ANGPT1: variants seen among roughly 807,000 people sequenced by gnomAD.
ANGPT1 encodes the protein angiopoietin-1.
Under a neutral mutation model 62.2 loss-of-function variants are expected in ANGPT1, and 17 were observed. The observed-to-expected ratio is 0.27, with a 90% CI of 0.19 to 0.41. The LOEUF (loss-of-function observed/expected upper bound fraction) is 0.41, where lower values mean the gene tolerates loss of function less well. Among genes scored for constraint, ANGPT1 ranks in the 10% least tolerant of loss-of-function variants. The pLI is 1.00. For synonymous variants in ANGPT1, 199 were observed against 198.9 expected (o/e 1.00, Z 0.00); for missense variants, 478 against 594.9 (o/e 0.80, Z 2.04).
Position 107,497,486 on chromosome 8 carries a change from T to C in ANGPT1, c.73A>G (p.Ser25Gly). 1 of 1,614,162 alleles carries C rather than the reference T, an allele frequency of 6.2e-7. No individual in the cohort carries two copies. Among genetic ancestry groups the C allele is most frequent in the Non-Finnish European group, 8.5e-7 (1 of 1,180,032 alleles). The change falls in exon 1 of 9, where the codon AGT (serine) becomes GGT (glycine). Residue 25 changes from serine to glycine, a missense_variant. This residue lies in a region of ANGPT1 where 343 missense variants were observed against 355.4 expected (regional missense o/e 0.97). Transcript: ENST00000517746. ...THIGCSNQRRSPENSGRRYNR... is the reference protein window; with the variant it reads ...THIGCSNQRRGPENSGRRYNR... ...TATCTTCTCCCACTGTTTTCTGGAC[T>C]TCGGCGCTGATTGCTGCACCCTATG...
chr8:107,497,137 T>G, intron 1 of ANGPT1, 125 bp downstream of exon 1: 2 of 1,156,576 alleles, frequency 1.7e-6, no homozygotes, highest in Non-Finnish European at 1.2e-6. Flanking sequence ...GTCTTGCAAT[T>G]GCAAACACTG....
chr8:107,257,883 T>G lies in ANGPT1; in HGVS notation c.1337-5868A>C, dbSNP rs867989698. 3.0e-3 allele frequency among the ~76,000 whole-genome samples: 260 copies of G among 85,734 alleles called. 5 individuals carry two copies. Among genetic ancestry groups the G allele is most frequent in the African/African-American group, 0.014 (230 of 16,574 alleles). 56.2% of individuals were successfully genotyped at this position (85,734 alleles called of 152,430 possible). ...GGCCAAGGACTTGTTTTTGTTTCTTTTTTGTTTGTTTGTTTGTTTGTTTGT... is the reference window on the plus strand; with the variant it reads ...GGCCAAGGACTTGTTTTTGTTTCTTGTTTGTTTGTTTGTTTGTTTGTTTGT... On this transcript the variant is annotated intron_variant, in intron 8 of 8. Coordinates refer to ENST00000517746, the MANE Select transcript of ANGPT1 (RefSeq NM_001146.5).
At position 107,303,372 on chromosome 8, in the gene ANGPT1, A is replaced by C. The variant is rs1302740271; in HGVS notation, c.809-5T>G. 7 of 276,436 alleles carry C rather than the reference A, an allele frequency of 2.5e-5. No individual in the cohort carries two copies. The highest frequency in any genetic ancestry group is 6.1e-5 in the African/African-American group (1 of 16,364). 17.1% of individuals were successfully genotyped at this position (276,436 alleles called of 1,614,324 possible). A position where few individuals can be genotyped will look rare whatever the true frequency, so the allele number is the denominator to read the frequency against. ...TTTTTCCTCCCTTTAGTAAAACTGCAAAAAAAAAAAAAAAGATTGCAATAT... is the reference window on the plus strand; with the variant it reads ...TTTTTCCTCCCTTTAGTAAAACTGCCAAAAAAAAAAAAAAGATTGCAATAT... On this transcript the variant is annotated splice_polypyrimidine_tract_variant and splice_region_variant and intron_variant, in intron 4 of 8. Transcript: ENST00000517746.
intron 1 of ANGPT1, among the ~76,000 whole-genome samples, chr8:107,433,171 G>GT (rs1232423126): frequency 6.6e-6 from 1 of 151,990 alleles, no homozygotes; most frequent in Non-Finnish European, 1.5e-5. Context: ...TGGGCTGGTT[G>GT]TTTTTTTCAT....
intron 1 of ANGPT1, among the ~76,000 whole-genome samples, chr8:107,383,753 A>G (rs1816682034): frequency 6.6e-6 from 1 of 152,190 alleles, no homozygotes. Context: ...TTGAAAGATT[A>G]CAAACTTTCA....
chr8:107,459,151 T>C lies in ANGPT1; in HGVS notation c.297+38111A>G, dbSNP rs902496068. On this transcript the variant is annotated intron_variant, in intron 1 of 8. Transcript: ENST00000517746. ...ATATCCCATTCAGTAACTTTTGGCT[T>C]CATTTTATATTTAAGGAGTAAACTT... Among the ~76,000 whole-genome samples, 9 of 152,180 alleles carry C rather than the reference T, an allele frequency of 5.9e-5. No homozygotes were observed. In the East Asian group the frequency reaches 1.3e-3, roughly 23 times the overall value.
chr8:107,300,434 A>T (rs940070523), intron 5 of ANGPT1, among the ~76,000 whole-genome samples: 4 of 151,738 alleles, frequency 2.6e-5, no homozygotes, highest in African/African-American at 9.7e-5. Flanking sequence ...CTATGATTAT[A>T]ATAGGGAAAT....
At chr8:107,288,771 G>T (rs1471061289) in intron 6 of ANGPT1, among the ~76,000 whole-genome samples, 1 of 152,056 alleles carries the variant, frequency 6.6e-6, no homozygotes, top group Non-Finnish European at 1.5e-5. Context: ...CTATAGGGAG[G>T]CAAATTTTGA....
intron 1 of ANGPT1, among the ~76,000 whole-genome samples, chr8:107,369,962 ACT>A (rs1182403282): frequency 6.6e-6 from 1 of 151,254 alleles, no homozygotes; most frequent in Non-Finnish European, 1.5e-5. Context: ...ATATAGAGAG[ACT>A]CTGTCTCCAC....
At chr8:107,303,736 T>C (rs977750809) in intron 4 of ANGPT1, among the ~76,000 whole-genome samples, 7 of 151,792 alleles carry the variant, frequency 4.6e-5, no homozygotes, top group African/African-American at 1.7e-4. Flanking sequence ...TAAAACGTTC[T>C]TACCTACATT....
intron 1 of ANGPT1, among the ~76,000 whole-genome samples, chr8:107,443,766 C>T (rs1326838606): frequency 6.6e-6 from 1 of 150,378 alleles, no homozygotes; most frequent in Non-Finnish European, 1.5e-5. Flanking sequence ...TTGTGGTGAG[C>T]TGAGATCATG....
chr8:107,353,481 C>T (rs1815975447), intron 1 of ANGPT1, among the ~76,000 whole-genome samples: 1 of 152,172 alleles, frequency 6.6e-6, no homozygotes, highest in Admixed American at 6.6e-5. Flanking sequence ...TGATTTGGAT[C>T]TCCCCTTTCG....
intron 1 of ANGPT1, among the ~76,000 whole-genome samples, chr8:107,386,845 A>G (rs771028931): frequency 6.6e-6 from 1 of 152,120 alleles, no homozygotes; most frequent in Non-Finnish European, 1.5e-5. Context: ...CCTTTCTCTG[A>G]CAGACTACAG....
intron 3 of ANGPT1, among the ~76,000 whole-genome samples, chr8:107,334,527 CTG>C (rs1371355714): frequency 6.7e-6 from 1 of 150,330 alleles, no homozygotes; most frequent in Non-Finnish European, 1.5e-5. Flanking sequence ...TTTAATTTTC[CTG>C]TGTGTTTTTT....
At position 107,473,977 on chromosome 8, in the gene ANGPT1, G is replaced by A. The variant is rs530659128; in HGVS notation, c.297+23285C>T. On this transcript the variant is annotated intron_variant, in intron 1 of 8. Transcript: ENST00000517746. Reference sequence around the variant, plus strand: ...ACCAACCAAAAAAAGTCCAGGACCAGATGGATTTACAGCCAAATTCTACCA... The same window carrying A: ...ACCAACCAAAAAAAGTCCAGGACCAAATGGATTTACAGCCAAATTCTACCA... Among the ~76,000 whole-genome samples, 11 of 152,238 alleles carry A rather than the reference G, an allele frequency of 7.2e-5. No individual in the cohort carries two copies. The South Asian group carries it at 2.1e-3, about 29-fold the overall frequency.
chr8:107,282,597 A>G (rs1377363194), intron 7 of ANGPT1, among the ~76,000 whole-genome samples: 3 of 81,906 alleles, frequency 3.7e-5, no homozygotes, highest in African/African-American at 1.4e-4. Flanking sequence ...TATATATATG[A>G]GCCTCAGCTT....
intron 1 of ANGPT1, among the ~76,000 whole-genome samples, chr8:107,443,123 T>C (rs1259918932): frequency 6.6e-6 from 1 of 152,182 alleles, no homozygotes; most frequent in Non-Finnish European, 1.5e-5. Context: ...CATCAGAATA[T>C]CTACATAACT....
At chr8:107,347,624 T>C (rs1239454968) in intron 1 of ANGPT1, among the ~76,000 whole-genome samples, 1 of 152,124 alleles carries the variant, frequency 6.6e-6, no homozygotes. Flanking sequence ...ATCACACTGC[T>C]TTGGGGAAAT....
At chr8:107,451,030 T>C (rs1414581967) in intron 1 of ANGPT1, among the ~76,000 whole-genome samples, 1 of 151,792 alleles carries the variant, frequency 6.6e-6, no homozygotes, top group Non-Finnish European at 1.5e-5. Flanking sequence ...CTCATTTAGG[T>C]AAAAATTATT....
Sources: gnomAD v4.1 joint callset for allele counts (sites outside exome capture counted in the v4.1 genomes callset) on GRCh38, gnomAD v4.1.1 for gene constraint, gnomAD v4.1.1 regional missense constraint, MANE v1.5 for transcripts, NCBI Gene and HGNC (gene_info 2026-07-23, HGNC 2026-07-21) for gene names.